DCLK1: variants seen among roughly 807,000 people sequenced by gnomAD.
DCLK1 encodes the protein serine/threonine-protein kinase DCLK1.
Under a neutral mutation model 86.2 loss-of-function variants are expected in DCLK1, and 16 were observed. That is an observed-to-expected ratio of 0.19 (90% CI 0.13 to 0.28). The LOEUF (loss-of-function observed/expected upper bound fraction) is 0.28. Among genes scored for constraint, DCLK1 ranks in the 10% least tolerant of loss-of-function variants. DCLK1 has a pLI of 1.00. For missense variants in DCLK1, 590 were observed against 940.2 expected, an observed-to-expected ratio of 0.63 and a Z score of 4.87; for synonymous variants, 369 against 370.5, an observed-to-expected ratio of 1.00 and a Z score of 0.05.
intron 12 of DCLK1, 55 bp downstream of exon 12, chr13:35,810,780 G>A (rs779141308): frequency 1.8e-5 from 28 of 1,589,212 alleles, no homozygotes; most frequent in Admixed American, 7.1e-5. Flanking sequence ...TCCTATTCTC[G>A]AAGCGGGCTA....
intron 3 of DCLK1, among the ~76,000 whole-genome samples, chr13:35,950,115 C>T (rs945068195): frequency 2.0e-5 from 3 of 152,220 alleles, no homozygotes; most frequent in South Asian, 2.1e-4. Context: ...CTGCTCACAA[C>T]TTCCCATTGG....
At chr13:35,844,502 G>A (rs1488453231) in intron 6 of DCLK1, among the ~76,000 whole-genome samples, 1 of 152,144 alleles carries the variant, frequency 6.6e-6, no homozygotes. Flanking sequence ...TTGTCCCAAG[G>A]AGACTTGTGT....
chr13:36,061,698 G>A lies in DCLK1; in HGVS notation c.723+50171C>T, dbSNP rs533649509. ...ACAGATAGGAGTGAAATGACGAAGT[G>A]TGAATATAATTTGGCTCAACTTAAA... On this transcript the variant is annotated intron_variant, in intron 3 of 16. Transcript: ENST00000360631. 2.6e-5 allele frequency among the ~76,000 whole-genome samples: 4 copies of A among 152,286 alleles called. No homozygotes were observed. The South Asian group carries it at 8.3e-4, about 32-fold the overall frequency.
chr13:35,923,656 T>G (rs1470822785), intron 4 of DCLK1, among the ~76,000 whole-genome samples: 1 of 152,116 alleles, frequency 6.6e-6, no homozygotes. Flanking sequence ...GGCCCTGAGT[T>G]GTATTTCAGA....
chr13:36,071,861 A>G (rs1411824200), intron 3 of DCLK1, among the ~76,000 whole-genome samples: 1 of 152,164 alleles, frequency 6.6e-6, no homozygotes. Flanking sequence ...TAATTCAAAC[A>G]CAACAGAACT....
At chr13:35,903,157 T>C (rs1874476518) in intron 4 of DCLK1, among the ~76,000 whole-genome samples, 1 of 152,156 alleles carries the variant, frequency 6.6e-6, no homozygotes, top group African/African-American at 2.4e-5. Flanking sequence ...GATGTTTTGA[T>C]TGAAAGAAAG....
intron 3 of DCLK1, among the ~76,000 whole-genome samples, chr13:36,108,751 C>T (rs6563345): frequency 0.6 from 91,655 of 152,104 alleles, 28,199 homozygotes; most frequent in East Asian, 0.86. Flanking sequence ...TTACTGGGCA[C>T]TGGAATTCCC....
intron 4 of DCLK1, among the ~76,000 whole-genome samples, chr13:35,911,883 G>C (rs184366423): frequency 8.3e-4 from 126 of 152,238 alleles, no homozygotes; most frequent in East Asian, 5.8e-4. Context: ...TAGAGAGCAG[G>C]GTGTCATAGT....
intron 3 of DCLK1, among the ~76,000 whole-genome samples, chr13:36,090,431 G>A (rs1387957220): frequency 6.6e-6 from 1 of 152,188 alleles, no homozygotes; most frequent in East Asian, 1.9e-4. Flanking sequence ...GCAACAAGCT[G>A]TTTGGAGAAC....
intron 3 of DCLK1, among the ~76,000 whole-genome samples, chr13:35,972,299 T>A (rs1247463583): frequency 2.0e-5 from 3 of 152,170 alleles, no homozygotes. Context: ...GGTGTCGCTA[T>A]GCAATCATAG....
chr13:35,816,453 A>G (rs920365585), intron 11 of DCLK1, among the ~76,000 whole-genome samples: 2 of 152,158 alleles, frequency 1.3e-5, no homozygotes, highest in Non-Finnish European at 2.9e-5. Context: ...ATATGGCACC[A>G]TATTAGTAAT....
intron 6 of DCLK1, chr13:35,849,708 A>C: frequency 1.0e-6 from 1 of 985,036 alleles, no homozygotes; most frequent in Non-Finnish European, 1.2e-6. Flanking sequence ...GGAGTTTTGC[A>C]TATGAAAATT....
chr13:35,883,079 A>G (rs911442550), intron 4 of DCLK1, among the ~76,000 whole-genome samples: 1 of 152,176 alleles, frequency 6.6e-6, no homozygotes, highest in African/African-American at 2.4e-5. Context: ...GAAACAGAGG[A>G]AAGCAGGCAC....
rs2086301936 is a variant in DCLK1, at chr13:35,770,036, C to T, written c.*4499G>A. 6.6e-6 allele frequency: 1 copy of T among 152,222 alleles called. No homozygotes were observed. The highest frequency in any genetic ancestry group is 2.4e-5 in the African/African-American group (1 of 41,464). 9.4% of individuals were successfully genotyped at this position (152,222 alleles called of 1,614,324 possible). On this transcript the variant is annotated 3_prime_UTR_variant, in exon 17 of 17. Transcript: ENST00000360631. The stretch of plus-strand genomic sequence containing the variant: ...CTAACCAGAGGCATTTAAGCCTCTC[C>T]ACTGAAGTTCCTGTTTCCCACCAGT...
chr13:36,063,029 G>A (rs146997920), intron 3 of DCLK1, among the ~76,000 whole-genome samples: 1 of 152,276 alleles, frequency 6.6e-6, no homozygotes, highest in Non-Finnish European at 1.5e-5. Flanking sequence ...GTAACATGCT[G>A]CCAGTGGCCT....
At chr13:35,872,209 T>A (rs2153114847) in intron 4 of DCLK1, among the ~76,000 whole-genome samples, 1 of 152,316 alleles carries the variant, frequency 6.6e-6, no homozygotes, top group Middle Eastern at 3.4e-3. Flanking sequence ...TCACTGTAGA[T>A]GGAAAAATAT....
chr13:35,853,003 C>T (rs946600787), intron 6 of DCLK1, among the ~76,000 whole-genome samples: 5 of 152,208 alleles, frequency 3.3e-5, no homozygotes, highest in Admixed American at 2.0e-4. Context: ...GAGGGCCCTT[C>T]CTGCTCTGTA....
At chr13:36,108,799 C>T (rs1885501465) in intron 3 of DCLK1, among the ~76,000 whole-genome samples, 1 of 152,160 alleles carries the variant, frequency 6.6e-6, no homozygotes, top group Non-Finnish European at 1.5e-5. Flanking sequence ...TTCAGTTAAA[C>T]TATTTTTTAA....
intron 4 of DCLK1, among the ~76,000 whole-genome samples, chr13:35,902,038 T>A (rs1874397526): frequency 6.6e-6 from 1 of 152,184 alleles, no homozygotes; most frequent in African/African-American, 2.4e-5. Context: ...ATGTATGTTA[T>A]TTGTTCTTTA....
Sources: allele counts gnomAD v4.1 joint callset (sites outside exome capture counted in the v4.1 genomes callset), GRCh38; gene constraint gnomAD v4.1.1; transcripts MANE v1.5; gene names NCBI Gene and HGNC (gene_info 2026-07-23, HGNC 2026-07-21).